CDH13: variants seen among roughly 807,000 people sequenced by gnomAD.
CDH13 encodes the protein cadherin-13.
A neutral mutation model predicts 63.8 loss-of-function variants in CDH13; 24 were observed. The ratio of observed to expected loss-of-function variants is 0.38; its 90% confidence interval spans 0.27 to 0.53. The LOEUF is 0.53. CDH13 is among the 20% of genes least tolerant of loss of function. The pLI is 0.85. For missense variants in CDH13, 1,049 were observed against 903.1 expected, an observed-to-expected ratio of 1.16 and a Z score of -2.07; for synonymous variants, 503 against 355.3, an observed-to-expected ratio of 1.42 and a Z score of -4.67.
In CDH13 at chr16:82,858,736, C is replaced by T. The variant is rs545798969; in HGVS notation, c.157+263C>T. 5 of 587,834 alleles carry T rather than the reference C, an allele frequency of 8.5e-6. No homozygotes were observed. In the East Asian group the frequency reaches 1.1e-4, roughly 13 times the overall value. The allele number at this position is 587,834 out of a possible 1,614,324, so 36.4% of individuals were successfully genotyped here. On this transcript the variant is annotated intron_variant, in intron 2 of 13. Transcript: ENST00000567109. ...GCTGTCAGAAAAGGGGGCTGTCAGC[C>T]TCCAATGAGAGTTGTACACTGTGCA...
intron 1 of CDH13, among the ~76,000 whole-genome samples, chr16:82,698,919 AT>A (rs1480324518): frequency 6.6e-6 from 1 of 151,930 alleles, no homozygotes; most frequent in Non-Finnish European, 1.5e-5. Flanking sequence ...TTTTCTTATT[AT>A]CCTTTTTCTT....
At chr16:83,526,349 C>T (rs1362052947) in intron 7 of CDH13, among the ~76,000 whole-genome samples, 1 of 152,154 alleles carries the variant, frequency 6.6e-6, no homozygotes, top group Non-Finnish European at 1.5e-5. Flanking sequence ...GCACCAGAAA[C>T]CAGTTTCATG....
chr16:83,308,158 A>AT (rs548059535), intron 5 of CDH13, among the ~76,000 whole-genome samples: 185 of 152,060 alleles, frequency 1.2e-3, no homozygotes, highest in Non-Finnish European at 1.7e-3. Flanking sequence ...TATTCAATAT[A>AT]TTTTTTTTGT....
intron 7 of CDH13, among the ~76,000 whole-genome samples, chr16:83,592,925 C>T (rs1259516770): frequency 1.3e-5 from 2 of 152,180 alleles, no homozygotes; most frequent in African/African-American, 2.4e-5. Flanking sequence ...AAGAACATCG[C>T]TCGACCTCTG....
chr16:83,754,209 T>A (rs1225355098), intron 11 of CDH13, among the ~76,000 whole-genome samples: 2 of 152,178 alleles, frequency 1.3e-5, no homozygotes, highest in African/African-American at 4.8e-5. Flanking sequence ...ATAGCCATTC[T>A]CTCATTTAAG....
intron 1 of CDH13, among the ~76,000 whole-genome samples, chr16:82,632,385 C>G (rs1414102455): frequency 6.6e-6 from 1 of 152,186 alleles, no homozygotes; most frequent in African/African-American, 2.4e-5. Context: ...TGCTTTGGAA[C>G]AGCATGACCA....
intron 11 of CDH13, among the ~76,000 whole-genome samples, chr16:83,750,315 G>T (rs1342193098): frequency 6.6e-6 from 1 of 152,078 alleles, no homozygotes; most frequent in Non-Finnish European, 1.5e-5. Flanking sequence ...GAAAGAAATA[G>T]CTCACGTTCA....
At chr16:83,359,294 G>C (rs1435591934) in intron 6 of CDH13, among the ~76,000 whole-genome samples, 1 of 152,110 alleles carries the variant, frequency 6.6e-6, no homozygotes, top group Non-Finnish European at 1.5e-5. Flanking sequence ...TAACTCTTTT[G>C]ATCATGAGGC....
chr16:82,859,760 C>T (rs145217807), intron 2 of CDH13: 1 of 150,758 alleles, frequency 6.6e-6, no homozygotes, highest in Non-Finnish European at 1.5e-5. Flanking sequence ...GCACACTTGA[C>T]TGGATTATTC....
intron 6 of CDH13, among the ~76,000 whole-genome samples, chr16:83,435,686 C>T (rs1272941199): frequency 6.6e-6 from 1 of 152,202 alleles, no homozygotes; most frequent in Admixed American, 6.5e-5. Flanking sequence ...TGTTGCTCAG[C>T]CTCCAGCTTC....
chr16:83,217,495 C>T lies in CDH13; in HGVS notation c.634C>T (p.Gln212Ter). Residue 212 changes from glutamine to a stop codon, truncating the protein, a stop_gained and splice_region_variant, in exon 5 of 14, where the codon CAA becomes TAA. Coordinates refer to ENST00000567109, the MANE Select transcript of CDH13 (RefSeq NM_001257.5). LOFTEE classifies it high-confidence loss of function. ...GGACAGAGAAGTAATCGCTGTTTAT[C>T]AAGTGAGTACCCCTCTCCCATGCCC... ...TLDREVIAVY[Q>*]LFVETTDVNG... is the part of the protein sequence containing the mutation. 1 of 1,613,008 alleles carries T rather than the reference C, an allele frequency of 6.2e-7. No homozygotes were observed.
At chr16:82,996,941 G>A (rs1912278866) in intron 2 of CDH13, among the ~76,000 whole-genome samples, 1 of 147,828 alleles carries the variant, frequency 6.8e-6, no homozygotes, top group Admixed American at 6.6e-5. Flanking sequence ...TAATTACGAT[G>A]GTGTTGTTGA....
At chr16:83,744,665 A>T (rs1912401214) in intron 10 of CDH13, among the ~76,000 whole-genome samples, 1 of 152,196 alleles carries the variant, frequency 6.6e-6, no homozygotes, top group South Asian at 2.1e-4. Flanking sequence ...TGAGCCATTA[A>T]CACACCCATA....
At chr16:83,775,532 T>G (rs1915047630) in intron 11 of CDH13, among the ~76,000 whole-genome samples, 2 of 152,216 alleles carry the variant, frequency 1.3e-5, no homozygotes, top group South Asian at 4.1e-4. Flanking sequence ...ACATGGCCCC[T>G]GGGCTCCCTC....
chr16:82,851,457 G>A (rs1326846791), intron 1 of CDH13, among the ~76,000 whole-genome samples: 9 of 145,372 alleles, frequency 6.2e-5, no homozygotes, highest in South Asian at 2.2e-4. Context: ...AAAAGAAAAA[G>A]AAAAAGAAAA....
At chr16:82,975,075 T>A (rs563835088) in intron 2 of CDH13, among the ~76,000 whole-genome samples, 1 of 152,208 alleles carries the variant, frequency 6.6e-6, no homozygotes, top group Admixed American at 6.5e-5. Flanking sequence ...AACTCGTCTT[T>A]CTGATTTCTT....
chr16:82,674,329 T>C (rs1280633204), intron 1 of CDH13, among the ~76,000 whole-genome samples: 1 of 152,236 alleles, frequency 6.6e-6, no homozygotes, highest in African/African-American at 2.4e-5. Context: ...CTAGAGATTG[T>C]ACCTACAAAT....
At chr16:83,308,186 C>T (rs771476049) in intron 5 of CDH13, among the ~76,000 whole-genome samples, 1 of 151,940 alleles carries the variant, frequency 6.6e-6, no homozygotes. Flanking sequence ...ACAAAGAAAA[C>T]CTCCAGCTTT....
At chr16:83,356,381 A>G (rs1036744380) in intron 6 of CDH13, among the ~76,000 whole-genome samples, 1 of 152,252 alleles carries the variant, frequency 6.6e-6, no homozygotes, top group African/African-American at 2.4e-5. Context: ...AAATAAAGCC[A>G]GATTCTCCCC....
Sources: gnomAD v4.1 joint callset for allele counts (sites outside exome capture counted in the v4.1 genomes callset) on GRCh38, gnomAD v4.1.1 for gene constraint, MANE v1.5 for transcripts, NCBI Gene and HGNC (gene_info 2026-07-23, HGNC 2026-07-21) for gene names.